SNTG1: variants seen among roughly 807,000 people sequenced by gnomAD.
SNTG1 encodes the protein syntrophin gamma 1.
In SNTG1, 39 loss-of-function variants were observed where a neutral mutation model predicts 74.7. That is an observed-to-expected ratio of 0.52 (90% CI 0.40 to 0.68). The LOEUF is 0.68. SNTG1 is among the 30% of genes least tolerant of loss of function. The pLI is 0.00. For synonymous variants in SNTG1, 254 were observed against 217.1 expected, an observed-to-expected ratio of 1.17 and a Z score of -1.49; for missense variants, 685 against 609.5, an observed-to-expected ratio of 1.12 and a Z score of -1.30.
chr8:50,096,263 A>G lies in SNTG1; in HGVS notation c.-102-76298A>G, dbSNP rs112247212. ...ATTAGGTGAAAGGGGATAGATAAAC[A>G]ATAACGTAATACAATTGTGGAAGAG... is the stretch of plus-strand genomic sequence containing the variant. On this transcript the variant is annotated intron_variant, in intron 1 of 18. Transcript: ENST00000642720. 7.2e-5 allele frequency among the ~76,000 whole-genome samples: 11 copies of G among 152,318 alleles called. 1 individual carries two copies. The highest frequency in any genetic ancestry group is 2.4e-4 in the African/African-American group (10 of 41,576).
chr8:50,259,492 C>A, intron 2 of SNTG1, among the ~76,000 whole-genome samples: 1 of 86,430 alleles, frequency 1.2e-5, no homozygotes, highest in Admixed American at 1.5e-4. Context: ...GAGAGAGACG[C>A]TGTCTCAAAA....
At chr8:50,034,545 G>A (rs2130777264) in intron 1 of SNTG1, among the ~76,000 whole-genome samples, 1 of 152,234 alleles carries the variant, frequency 6.6e-6, no homozygotes, top group South Asian at 2.1e-4. Flanking sequence ...TGGGGTGGGG[G>A]AGTCTCAGCT....
chr8:50,057,643 T>A (rs1563532735), intron 1 of SNTG1, among the ~76,000 whole-genome samples: 2 of 152,082 alleles, frequency 1.3e-5, no homozygotes, highest in Admixed American at 6.6e-5. Context: ...ATAAGATATA[T>A]AGTAAGGCCT....
At chr8:50,583,921 G>T (rs561819430) in intron 12 of SNTG1, among the ~76,000 whole-genome samples, 1 of 151,440 alleles carries the variant, frequency 6.6e-6, no homozygotes, top group Non-Finnish European at 1.5e-5. Context: ...ATCCCTCCCC[G>T]CTCCCTCCAC....
At chr8:50,061,222 T>A (rs1387672171) in intron 1 of SNTG1, among the ~76,000 whole-genome samples, 1 of 152,166 alleles carries the variant, frequency 6.6e-6, no homozygotes, top group Non-Finnish European at 1.5e-5. Flanking sequence ...CTTCAATCTA[T>A]TTAATGATTA....
chr8:50,675,346 C>T (rs936065798), intron 15 of SNTG1, among the ~76,000 whole-genome samples: 1 of 151,892 alleles, frequency 6.6e-6, no homozygotes, highest in African/African-American at 2.4e-5. Flanking sequence ...GGATGCTCCT[C>T]TATTGGGTGC....
intron 3 of SNTG1, among the ~76,000 whole-genome samples, chr8:50,398,895 A>C (rs1166980036): frequency 6.6e-6 from 1 of 152,178 alleles, no homozygotes; most frequent in South Asian, 2.1e-4. Flanking sequence ...GCTCCACTGC[A>C]CTCCAGCCTG....
At chr8:49,938,677 T>TTCCC (rs1285855893) in intron 1 of SNTG1, among the ~76,000 whole-genome samples, 1 of 147,766 alleles carries the variant, frequency 6.8e-6, no homozygotes, top group Non-Finnish European at 1.5e-5. Context: ...CCTTCCTTCC[T>TTCCC]TCCCTCCTTC....
At chr8:50,303,489 G>A (rs1233583650) in intron 2 of SNTG1, among the ~76,000 whole-genome samples, 2 of 151,372 alleles carry the variant, frequency 1.3e-5, no homozygotes, top group Non-Finnish European at 2.9e-5. Context: ...CTTATGATTA[G>A]GCCTCAAATT....
chr8:50,767,536 T>G (rs2095616762), intron 18 of SNTG1, among the ~76,000 whole-genome samples: 1 of 152,014 alleles, frequency 6.6e-6, no homozygotes. Context: ...CAAAGCCTAA[T>G]TAAACTTCTC....
intron 8 of SNTG1, among the ~76,000 whole-genome samples, chr8:50,478,420 A>G (rs1399824997): frequency 6.6e-6 from 1 of 152,194 alleles, no homozygotes; most frequent in Non-Finnish European, 1.5e-5. Context: ...TGAATAAGCA[A>G]TACAATTTGA....
chr8:49,972,642 T>C (rs1312632478), intron 1 of SNTG1, among the ~76,000 whole-genome samples: 1 of 147,800 alleles, frequency 6.8e-6, no homozygotes, highest in African/African-American at 2.5e-5. Context: ...ATATCCAGAA[T>C]CTACAATGAA....
chr8:49,910,977 G>A (rs978980044), upstream of SNTG1: 1 of 152,292 alleles, frequency 6.6e-6, no homozygotes, highest in Non-Finnish European at 1.5e-5. Flanking sequence ...ACTCACAGGA[G>A]CTGCGTTCGC....
intron 2 of SNTG1, among the ~76,000 whole-genome samples, chr8:50,334,089 G>T (rs2091058560): frequency 6.6e-6 from 1 of 152,202 alleles, no homozygotes; most frequent in African/African-American, 2.4e-5. Context: ...TAGAGATGGG[G>T]TTTTGCCATG....
chr8:50,299,766 C>G (rs2089561275), intron 2 of SNTG1, among the ~76,000 whole-genome samples: 1 of 152,046 alleles, frequency 6.6e-6, no homozygotes, highest in African/African-American at 2.4e-5. Flanking sequence ...AGAACTAGCC[C>G]TATTTCAAGG....
In SNTG1 at chr8:50,792,889, C is replaced by G; in HGVS notation, c.*60C>G. On this transcript the variant is annotated 3_prime_UTR_variant, in exon 19 of 19. Coordinates refer to ENST00000642720, the MANE Select transcript of SNTG1 (RefSeq NM_018967.5). ...GTATAAGCAGGACACATTTACTCAT[C>G]ATTTTAGACCCTAGAGAAACCATAA... 1 of 1,480,208 alleles carries G rather than the reference C, an allele frequency of 6.8e-7. No individual in the cohort carries two copies. The highest frequency in any genetic ancestry group is 9.0e-7 in the Non-Finnish European group (1 of 1,107,386). 91.7% of individuals were successfully genotyped at this position (1,480,208 alleles called of 1,614,324 possible).
intron 2 of SNTG1, among the ~76,000 whole-genome samples, chr8:50,260,232 G>T (rs1393147452): frequency 6.6e-6 from 1 of 152,182 alleles, no homozygotes; most frequent in Non-Finnish European, 1.5e-5. Context: ...AGATTTCAAT[G>T]TGGCAGGGGG....
intron 2 of SNTG1, among the ~76,000 whole-genome samples, chr8:50,182,813 A>G (rs910199636): frequency 2.0e-5 from 3 of 152,012 alleles, no homozygotes; most frequent in South Asian, 4.2e-4. Context: ...CCTGCATCCC[A>G]TATCACTCCT....
intron 12 of SNTG1, among the ~76,000 whole-genome samples, chr8:50,554,971 T>C (rs1378967244): frequency 1.3e-5 from 2 of 152,182 alleles, no homozygotes; most frequent in Non-Finnish European, 2.9e-5. Flanking sequence ...CCTAGGAATA[T>C]TGTCATGCCA....
Sources: gnomAD v4.1 joint callset for allele counts (sites outside exome capture counted in the v4.1 genomes callset) on GRCh38, gnomAD v4.1.1 for gene constraint, MANE v1.5 for transcripts, NCBI Gene and HGNC (gene_info 2026-07-23, HGNC 2026-07-21) for gene names.